Variants in WDR17 observed in about 807,000 individuals in gnomAD.
WDR17 encodes WD repeat domain 17.
In WDR17, 143 loss-of-function variants were observed where a neutral mutation model predicts 161.7. The observed-to-expected ratio is 0.88, with a 90% CI of 0.77 to 1.02. The LOEUF is 1.02. Among genes scored for constraint, WDR17 ranks in the 50% least tolerant of loss-of-function variants. WDR17 has a pLI of 0.00. For synonymous variants in WDR17, 517 were observed against 515.6 expected, an observed-to-expected ratio of 1.00 and a Z score of -0.04; for missense variants, 1,469 against 1,520.9, an observed-to-expected ratio of 0.97 and a Z score of 0.57.
At chr4:176,092,956 C>T (rs549727615) in intron 1 of WDR17, among the ~76,000 whole-genome samples, 59 of 152,166 alleles carry the variant, frequency 3.9e-4, no homozygotes, top group Middle Eastern at 6.8e-3. Flanking sequence ...GCATGAGAAT[C>T]GCTTGAACCT....
chr4:176,141,273 T>G (rs1745212975), intron 10 of WDR17, among the ~76,000 whole-genome samples: 1 of 152,156 alleles, frequency 6.6e-6, no homozygotes, highest in Non-Finnish European at 1.5e-5. Context: ...AATGTCTTGG[T>G]TTTGGTGCAA....
chr4:176,094,162 T>A (rs1015719497), intron 1 of WDR17, among the ~76,000 whole-genome samples: 1 of 152,236 alleles, frequency 6.6e-6, no homozygotes, highest in Non-Finnish European at 1.5e-5. Flanking sequence ...CCACAAGGAA[T>A]TGGATAGTAA....
chr4:176,109,533 G>T (rs990259735), intron 1 of WDR17, among the ~76,000 whole-genome samples: 2 of 152,142 alleles, frequency 1.3e-5, no homozygotes, highest in African/African-American at 2.4e-5. Flanking sequence ...CAGATAAGGG[G>T]ATTTAATGAG....
chr4:176,097,544 G>A (rs1041822898), intron 1 of WDR17, among the ~76,000 whole-genome samples: 5 of 151,488 alleles, frequency 3.3e-5, no homozygotes, highest in Non-Finnish European at 4.4e-5. Flanking sequence ...AAACATCTCT[G>A]GAGCCAGTAA....
At chr4:176,074,069 G>T (rs1733623976) in intron 1 of WDR17, among the ~76,000 whole-genome samples, 1 of 151,710 alleles carries the variant, frequency 6.6e-6, no homozygotes, top group African/African-American at 2.4e-5. Context: ...CACTCTGATG[G>T]TAGTTTCTTT....
chr4:176,108,949 CT>C (rs2126685268), intron 1 of WDR17, among the ~76,000 whole-genome samples: 1 of 152,170 alleles, frequency 6.6e-6, no homozygotes, highest in African/African-American at 2.4e-5. Flanking sequence ...GCCACCACCC[CT>C]GGTTAATTTT....
intron 1 of WDR17, among the ~76,000 whole-genome samples, chr4:176,103,841 A>G (rs551423505): frequency 6.6e-6 from 1 of 152,118 alleles, no homozygotes; most frequent in East Asian, 1.9e-4. Flanking sequence ...GATGGAAGAG[A>G]AGAGAGAATA....
chr4:176,146,085 G>T lies in WDR17; in HGVS notation c.1620G>T (p.Gly540=), dbSNP rs1205992947. The T allele has an allele frequency of 1.2e-6, 2 of 1,613,962 alleles. No homozygotes were observed. Among genetic ancestry groups the T allele is most frequent in the East Asian group, 2.2e-5 (1 of 44,842 alleles). ...ATCAACCATTGAAAGTATTTAGTGG[G>T]CATACAGCAAAAGTGTTTCATGTTA... ...SSDQPLKVFS[G]HTAKVFHVKW... Residue 540 remains glycine, a synonymous_variant, in exon 12 of 29, where the codon GGG becomes GGT. Transcript: ENST00000508596.
chr4:176,092,563 G>A (rs1561085106), intron 1 of WDR17, among the ~76,000 whole-genome samples: 3 of 152,074 alleles, frequency 2.0e-5, no homozygotes, highest in African/African-American at 7.2e-5. Flanking sequence ...AGGGATAAAC[G>A]GCATCCAAGT....
At position 176,151,815 on chromosome 4, in the gene WDR17, GAAGCTC is replaced by G; in HGVS notation, c.2312_2317del (p.Ala771_Gln772del). On this transcript the variant is annotated inframe_deletion, in exon 17 of 29. Coordinates refer to ENST00000508596, the MANE Select transcript of WDR17 (RefSeq NM_181265.4). ...TCTATTTTCTTTTTAAAACCAGTCT[GAAGCTC>G]AAGAACTAACAACAGTCAAGATGTC... The G allele has an allele frequency of 6.4e-7, 1 of 1,567,490 alleles. No individual in the cohort carries two copies. Among genetic ancestry groups the G allele is most frequent in the Non-Finnish European group, 8.6e-7 (1 of 1,162,404 alleles).
At chr4:176,160,304 C>A (rs780502625) in intron 19 of WDR17, among the ~76,000 whole-genome samples, 178 bp downstream of exon 19, 1 of 152,120 alleles carries the variant, frequency 6.6e-6, no homozygotes, top group African/African-American at 2.4e-5. Context: ...CTGGTCACAG[C>A]GCACTTATTT....
At chr4:176,124,954 A>G (rs1467927893) in intron 4 of WDR17, 150 bp from the exon 5 acceptor site, 2 of 896,426 alleles carry the variant, frequency 2.2e-6, no homozygotes, top group Non-Finnish European at 3.3e-6. Context: ...CTGCATTCAC[A>G]TGTCAGTTAC....
In WDR17 at chr4:176,076,214, AATATATATATATATATATAT is replaced by A. The variant is rs1219401869; in HGVS notation, c.-7+10157_-7+10176del. 4.5e-3 allele frequency among the ~76,000 whole-genome samples: 282 copies of A among 62,274 alleles called. 2 individuals carry two copies. The highest frequency in any genetic ancestry group is 0.013 in the African/African-American group (266 of 20,288). 40.9% of individuals were successfully genotyped at this position (62,274 alleles called of 152,430 possible). On this transcript the variant is annotated intron_variant, in intron 1 of 28. Coordinates refer to ENST00000508596, the MANE Select transcript of WDR17 (RefSeq NM_181265.4). ...TAGTTAACTGTATGTTTACATATAT[AATATATATATATATATATAT>A]ATATATATATATATATATATACACA... is the stretch of plus-strand genomic sequence containing the variant.
chr4:176,154,596 G>A (rs1281603536), intron 17 of WDR17, among the ~76,000 whole-genome samples: 4 of 152,136 alleles, frequency 2.6e-5, no homozygotes, highest in African/African-American at 9.7e-5. Context: ...TATTGAAAGA[G>A]CTTGGTGAAT....
chr4:176,092,555 G>A (rs1323628259), intron 1 of WDR17, among the ~76,000 whole-genome samples: 6 of 152,014 alleles, frequency 3.9e-5, no homozygotes, highest in Admixed American at 3.3e-4. Context: ...CAGGAGAAAG[G>A]GATAAACGGC....
intron 26 of WDR17, among the ~76,000 whole-genome samples, chr4:176,176,009 C>A (rs145313552): frequency 1.2e-3 from 181 of 152,228 alleles, no homozygotes; most frequent in African/African-American, 4.2e-3. Context: ...TATCAGCATG[C>A]TCAGGGAAAA....
chr4:176,122,506 G>A (rs1029313627), intron 4 of WDR17, among the ~76,000 whole-genome samples: 1 of 152,176 alleles, frequency 6.6e-6, no homozygotes, highest in Non-Finnish European at 1.5e-5. Context: ...GTCCTGATAA[G>A]TATTTTCCTT....
At position 176,071,892 on chromosome 4, in the gene WDR17, T is replaced by G. The variant is rs571758871; in HGVS notation, c.-7+5813T>G. 2.0e-5 allele frequency among the ~76,000 whole-genome samples: 3 copies of G among 152,318 alleles called. No individual in the cohort carries two copies. The East Asian group carries it at 5.8e-4, about 29-fold the overall frequency. The stretch of plus-strand genomic sequence containing the variant: ...AGGTAACTCCATTCATCTTTCTGTA[T>G]CTTTGAATCGGTGTCTTGCTCTTTT... On this transcript the variant is annotated intron_variant, in intron 1 of 28. Transcript: ENST00000508596.
At chr4:176,131,095 T>G (rs575971221) in intron 6 of WDR17, among the ~76,000 whole-genome samples, 1 of 152,306 alleles carries the variant, frequency 6.6e-6, no homozygotes, top group East Asian at 1.9e-4. Flanking sequence ...TAAAATGAAT[T>G]ATGCATAATC....
Sources: gnomAD v4.1 joint callset for allele counts (sites outside exome capture counted in the v4.1 genomes callset) on GRCh38, gnomAD v4.1.1 for gene constraint, MANE v1.5 for transcripts, NCBI Gene and HGNC (gene_info 2026-07-23, HGNC 2026-07-21) for gene names.